FANK1: variants seen among roughly 807,000 people sequenced by gnomAD.
FANK1 encodes fibronectin type III and ankyrin repeat domains 1, also known as fibronectin type 3 and ankyrin repeat domains protein 1.
Under a neutral mutation model 45.3 loss-of-function variants are expected in FANK1, and 44 were observed. The ratio of observed to expected loss-of-function variants is 0.97; its 90% CI spans 0.76 to 1.25. FANK1 has a LOEUF of 1.25. FANK1 is among the 50% of genes most tolerant of loss of function. FANK1 has a pLI of 0.00. For synonymous variants in FANK1, 149 were observed against 152.5 expected (o/e 0.98, Z 0.17); for missense variants, 391 against 424.4 (o/e 0.92, Z 0.69).
intron 1 of FANK1, among the ~76,000 whole-genome samples, chr10:125,971,742 C>T (rs1950525646): frequency 1.3e-5 from 2 of 152,112 alleles, no homozygotes; most frequent in South Asian, 4.1e-4. Flanking sequence ...CTGCCTCAGC[C>T]TCCTGAGTAG....
intron 1 of FANK1, among the ~76,000 whole-genome samples, chr10:125,944,357 C>A (rs1373602483): frequency 2.0e-5 from 3 of 152,194 alleles, no homozygotes; most frequent in Non-Finnish European, 4.4e-5. Context: ...GTTTTCCAGG[C>A]ACTCATGTAA....
intron 2 of FANK1, among the ~76,000 whole-genome samples, chr10:125,988,269 T>C (rs913535338): frequency 2.2e-4 from 34 of 152,206 alleles, no homozygotes; most frequent in African/African-American, 8.0e-4. Flanking sequence ...TGAGGGCAAA[T>C]GTCGTGGTTA....
At chr10:125,968,445 G>A (rs557449795) in intron 1 of FANK1, among the ~76,000 whole-genome samples, 12 of 152,142 alleles carry the variant, frequency 7.9e-5, no homozygotes, top group African/African-American at 2.9e-4. Context: ...ATTTGACTTC[G>A]GTAAATTTTC....
At chr10:125,932,449 G>GT (rs1202470060) in intron 1 of FANK1, among the ~76,000 whole-genome samples, 2 of 151,986 alleles carry the variant, frequency 1.3e-5, no homozygotes, top group Non-Finnish European at 2.9e-5. Flanking sequence ...AAGTATTTTA[G>GT]TTTTTTTGCA....
intron 1 of FANK1, among the ~76,000 whole-genome samples, chr10:125,977,454 C>G (rs560537762): frequency 6.6e-6 from 1 of 152,194 alleles, no homozygotes; most frequent in African/African-American, 2.4e-5. Context: ...TGCGTGGCTC[C>G]CCTGTTTCCT....
intron 1 of FANK1, among the ~76,000 whole-genome samples, chr10:125,906,149 C>T (rs527414571): frequency 1.3e-5 from 2 of 152,230 alleles, no homozygotes; most frequent in African/African-American, 2.4e-5. Context: ...GCTGGCTAGT[C>T]TTTAATATTC....
intron 1 of FANK1, among the ~76,000 whole-genome samples, chr10:125,919,679 A>G (rs1428897656): frequency 3.9e-5 from 6 of 152,170 alleles, no homozygotes; most frequent in Non-Finnish European, 8.8e-5. Flanking sequence ...TTTGTGGAAT[A>G]CACAGGATTT....
chr10:125,989,363 T>C, intron 3 of FANK1: 2 of 1,551,158 alleles, frequency 1.3e-6, no homozygotes, highest in Admixed American at 3.9e-5. Context: ...CACAGGCAAG[T>C]AATTTTTCAG....
At chr10:125,933,006 T>C (rs1326328707) in intron 1 of FANK1, among the ~76,000 whole-genome samples, 3 of 152,232 alleles carry the variant, frequency 2.0e-5, no homozygotes, top group Non-Finnish European at 4.4e-5. Flanking sequence ...CCACATTTAT[T>C]GACTTGCATA....
At chr10:125,970,076 T>A (rs925662803) in intron 1 of FANK1, among the ~76,000 whole-genome samples, 8 of 152,136 alleles carry the variant, frequency 5.3e-5, no homozygotes, top group African/African-American at 1.9e-4. Context: ...TCCCCACATT[T>A]CCCCCTTTTC....
At chr10:125,954,080 A>G (rs1175171506) in intron 1 of FANK1, among the ~76,000 whole-genome samples, 1 of 152,220 alleles carries the variant, frequency 6.6e-6, no homozygotes, top group Non-Finnish European at 1.5e-5. Flanking sequence ...TCCTATCTCC[A>G]CTGTGGAGTT....
At chr10:125,959,577 T>G (rs1363142505) in intron 1 of FANK1, among the ~76,000 whole-genome samples, 1 of 152,194 alleles carries the variant, frequency 6.6e-6, no homozygotes, top group Non-Finnish European at 1.5e-5. Flanking sequence ...TGGATGAGTT[T>G]GCTAAGAAAC....
At chr10:125,928,117 A>G (rs1451992561) in intron 1 of FANK1, among the ~76,000 whole-genome samples, 3 of 152,180 alleles carry the variant, frequency 2.0e-5, no homozygotes, top group Non-Finnish European at 2.9e-5. Context: ...GAGTCCATAG[A>G]GTAAAGTGAT....
chr10:125,935,664 T>C (rs1039970970), intron 1 of FANK1, among the ~76,000 whole-genome samples: 3 of 152,170 alleles, frequency 2.0e-5, no homozygotes, highest in African/African-American at 7.2e-5. Flanking sequence ...AGCTGACCAA[T>C]GTCACAAATG....
Position 125,926,186 on chromosome 10 carries a change from A to G in FANK1, c.13+29531A>G, listed in dbSNP as rs1177823933. 2.0e-5 allele frequency among the ~76,000 whole-genome samples: 3 copies of G among 152,178 alleles called. No individual in the cohort carries two copies. In the East Asian group the frequency reaches 5.8e-4, roughly 29 times the overall value. ...TATATTTTCAACTTTTTATTTTGAC[A>G]TAATTGCAGATTCACAGGCGGTTTT... On this transcript the variant is annotated intron_variant, in intron 1 of 10. Coordinates refer to ENST00000368693, the MANE Select transcript of FANK1 (RefSeq NM_145235.5).
chr10:125,993,919 T>C (rs1386881490), intron 3 of FANK1, among the ~76,000 whole-genome samples: 1 of 152,248 alleles, frequency 6.6e-6, no homozygotes, highest in African/African-American at 2.4e-5. Context: ...ATCCTTCTGG[T>C]AGAAATCCTT....
intron 1 of FANK1, among the ~76,000 whole-genome samples, chr10:125,916,501 T>TA (rs1269002931): frequency 3.3e-5 from 5 of 152,040 alleles, no homozygotes; most frequent in African/African-American, 4.8e-5. Context: ...CTATTTGATA[T>TA]AAAAAAATCT....
At chr10:125,927,591 C>T (rs1421502688) in intron 1 of FANK1, among the ~76,000 whole-genome samples, 1 of 151,956 alleles carries the variant, frequency 6.6e-6, no homozygotes, top group Non-Finnish European at 1.5e-5. Flanking sequence ...CTCTTGTCGC[C>T]CAAGCTGGAG....
chr10:125,901,489 C>T (rs992466927), intron 1 of FANK1, among the ~76,000 whole-genome samples: 8 of 152,210 alleles, frequency 5.3e-5, no homozygotes, highest in Non-Finnish European at 1.0e-4. Flanking sequence ...CTGCCAAAAG[C>T]CCTCCAAAGT....
Sources: gnomAD v4.1 joint callset for allele counts (sites outside exome capture counted in the v4.1 genomes callset) on GRCh38, gnomAD v4.1.1 for gene constraint, MANE v1.5 for transcripts, NCBI Gene and HGNC (gene_info 2026-07-23, HGNC 2026-07-21) for gene names.